TCF12: variants seen among roughly 807,000 people sequenced by gnomAD.
TCF12 encodes the protein DNA-binding protein HTF4.
Under a neutral mutation model 86.0 loss-of-function variants are expected in TCF12, and 45 were observed. That is an observed-to-expected ratio of 0.52 (90% CI 0.41 to 0.67). The LOEUF (loss-of-function observed/expected upper bound fraction) is 0.67, where lower values mean the gene tolerates loss of function less well. Ranked by LOEUF, TCF12 falls within the 30% of genes least tolerant of loss-of-function variation. TCF12 has a pLI of 0.00. For synonymous variants in TCF12, 330 were observed against 299.6 expected (o/e 1.10, Z -1.05); for missense variants, 881 against 859.9 (o/e 1.02, Z -0.31).
chr15:57,090,993 T>G (rs2151113214), intron 4 of TCF12, among the ~76,000 whole-genome samples: 1 of 152,298 alleles, frequency 6.6e-6, no homozygotes, highest in Middle Eastern at 3.4e-3. Flanking sequence ...TTTTTTCCCC[T>G]TTGCTTTAAA....
At chr15:57,220,666 AAAAT>A (rs146454296) in intron 8 of TCF12, among the ~76,000 whole-genome samples, 6,099 of 152,220 alleles carry the variant, frequency 0.04, 368 homozygotes, top group Admixed American at 0.17. Context: ...TTTCTACAAA[AAAAT>A]CTATAAGCCA....
chr15:57,128,553 CAT>C (rs1298742234), intron 5 of TCF12, among the ~76,000 whole-genome samples: 1 of 152,146 alleles, frequency 6.6e-6, no homozygotes, highest in African/African-American at 2.4e-5. Context: ...AAATATATCA[CAT>C]ATAATAAAAT....
chr15:57,222,117 A>G (rs1192209819), intron 8 of TCF12, among the ~76,000 whole-genome samples: 2 of 152,000 alleles, frequency 1.3e-5, no homozygotes, highest in South Asian at 2.1e-4. Flanking sequence ...AATACTAATA[A>G]TAAGTTCACA....
chr15:56,953,854 G>T, intron 3 of TCF12, among the ~76,000 whole-genome samples: 1 of 145,130 alleles, frequency 6.9e-6, no homozygotes, highest in Admixed American at 6.8e-5. Context: ...TGTTCTCAAA[G>T]AACCAGCTTT....
At chr15:57,084,929 TGTCACACTATATA>T (rs1181074411) in intron 4 of TCF12, among the ~76,000 whole-genome samples, 1 of 152,174 alleles carries the variant, frequency 6.6e-6, no homozygotes, top group South Asian at 2.1e-4. Flanking sequence ...TGTTTAGATA[TGTCACACTATATA>T]GTACAGTTTT....
chr15:57,154,606 T>G (rs551554841), intron 5 of TCF12, among the ~76,000 whole-genome samples: 1 of 152,362 alleles, frequency 6.6e-6, no homozygotes, highest in East Asian at 1.9e-4. Context: ...TCTTGCATAC[T>G]TTCTTTGGTG....
At position 57,041,504 on chromosome 15, in the gene TCF12, T is replaced by G. The variant is rs2141454079; in HGVS notation, c.149-22246T>G. ...TGAAAGCTAAAGTGTTCTTTCATGC[T>G]AATTTTATAATGTGTATATACTGCA... On this transcript the variant is annotated intron_variant, in intron 3 of 20. Coordinates refer to ENST00000333725, the MANE Select transcript of TCF12 (RefSeq NM_207037.2). Among the ~76,000 whole-genome samples, 2 of 152,352 alleles carry G rather than the reference T, an allele frequency of 1.3e-5. 1 individual carries two copies. The highest frequency in any genetic ancestry group is 4.1e-4 in the South Asian group (2 of 4,826).
intron 18 of TCF12, among the ~76,000 whole-genome samples, chr15:57,263,520 T>C (rs1371517270): frequency 6.6e-6 from 1 of 152,220 alleles, no homozygotes. Context: ...AAAATATAAT[T>C]ATATCTCTTC....
chr15:57,213,161 T>C (rs1297399934), intron 8 of TCF12, among the ~76,000 whole-genome samples: 1 of 152,220 alleles, frequency 6.6e-6, no homozygotes, highest in Admixed American at 6.5e-5. Context: ...TGAAAATGTA[T>C]GACTGACACC....
intron 19 of TCF12, among the ~76,000 whole-genome samples, chr15:57,277,566 T>C (rs751121612): frequency 5.6e-4 from 82 of 145,320 alleles, no homozygotes; most frequent in Admixed American, 2.0e-4. Flanking sequence ...GAGGCAGAGG[T>C]TGCAATGAGC....
chr15:57,227,695 A>G (rs2058953462), intron 8 of TCF12, among the ~76,000 whole-genome samples: 1 of 152,070 alleles, frequency 6.6e-6, no homozygotes, highest in Non-Finnish European at 1.5e-5. Context: ...TTCACCACAC[A>G]TTCAAAATTT....
At chr15:56,951,790 C>T (rs1234054847) in intron 3 of TCF12, among the ~76,000 whole-genome samples, 1 of 152,078 alleles carries the variant, frequency 6.6e-6, no homozygotes, top group Non-Finnish European at 1.5e-5. Flanking sequence ...GCTGGGACTA[C>T]AGGAATGAGC....
rs113217641 is a variant in TCF12 at position 57,105,631 on chromosome 15, C to T, written c.325+13740C>T. The stretch of plus-strand genomic sequence containing the variant: ...TTCACCATGTTGGCCAGGCTGGCCT[C>T]GAACTCCTGACCTCAAGTGGTCTGC... On this transcript the variant is annotated intron_variant, in intron 5 of 20. Coordinates refer to ENST00000333725, the MANE Select transcript of TCF12 (RefSeq NM_207037.2). 8.0e-4 allele frequency among the ~76,000 whole-genome samples: 122 copies of T among 151,876 alleles called. 4 individuals carry two copies. The highest frequency in any genetic ancestry group is 2.8e-3 in the African/African-American group (118 of 41,414).
At chr15:57,053,087 C>T (rs1402430165) in intron 3 of TCF12, among the ~76,000 whole-genome samples, 4 of 152,096 alleles carry the variant, frequency 2.6e-5, no homozygotes, top group African/African-American at 7.2e-5. Flanking sequence ...CAACAATGTA[C>T]GGGGGCTCTA....
chr15:56,952,046 T>G (rs186946211), intron 3 of TCF12, among the ~76,000 whole-genome samples: 225 of 152,206 alleles, frequency 1.5e-3, no homozygotes, highest in Middle Eastern at 6.8e-3. Context: ...TGAAGTTTTT[T>G]TGTGTGTGTG....
chr15:57,165,163 T>TGTGCGC (rs59380805), intron 5 of TCF12, among the ~76,000 whole-genome samples: 67 of 149,398 alleles, frequency 4.5e-4, no homozygotes, highest in Non-Finnish European at 4.4e-5. Context: ...TGTGTGTGTG[T>TGTGCGC]GCGTACACGA....
chr15:57,135,491 A>G (rs910414764), intron 5 of TCF12, among the ~76,000 whole-genome samples: 5 of 152,186 alleles, frequency 3.3e-5, no homozygotes, highest in Admixed American at 3.3e-4. Context: ...TCAAGATTAG[A>G]AAGTTGTCTG....
intron 20 of TCF12, among the ~76,000 whole-genome samples, chr15:57,285,435 A>G (rs2061891308): frequency 1.3e-5 from 2 of 152,268 alleles, no homozygotes; most frequent in Non-Finnish European, 2.9e-5. Context: ...GTACTAATAG[A>G]GTAAAATATT....
At chr15:57,203,050 T>G (rs530931396) in intron 8 of TCF12, among the ~76,000 whole-genome samples, 2 of 152,362 alleles carry the variant, frequency 1.3e-5, no homozygotes, top group South Asian at 2.1e-4. Flanking sequence ...ATAAAAAGTT[T>G]TCACGTTACC....
Sources: gnomAD v4.1 joint callset for allele counts (sites outside exome capture counted in the v4.1 genomes callset) on GRCh38, gnomAD v4.1.1 for gene constraint, MANE v1.5 for transcripts, NCBI Gene and HGNC (gene_info 2026-07-23, HGNC 2026-07-21) for gene names.